The following ZMYM2 variants were observed in gnomAD, a reference collection of about 807,000 sequenced individuals.
ZMYM2 encodes zinc finger MYM-type containing 2.
ZMYM2 carries 56 observed loss-of-function variants against 162.8 expected under a neutral mutation model. The observed-to-expected ratio is 0.34, with a 90% CI of 0.28 to 0.43. The LOEUF is 0.43. ZMYM2 is among the 20% of genes least tolerant of loss of function. The pLI, the probability that ZMYM2 is intolerant of heterozygous loss-of-function variation, is 1.00. For missense variants in ZMYM2, 1,275 were observed against 1,621.8 expected, an observed-to-expected ratio of 0.79 and a Z score of 3.67; for synonymous variants, 510 against 541.6, an observed-to-expected ratio of 0.94 and a Z score of 0.81.
intron 2 of ZMYM2, among the ~76,000 whole-genome samples, chr13:19,990,897 C>G (rs912754205): frequency 6.6e-5 from 10 of 152,014 alleles, no homozygotes; most frequent in Admixed American, 6.6e-4. Context: ...TCAGTTTTAC[C>G]TCTTCTAGTT....
chr13:19,907,145 C>A, the ZMYM2 span, among the ~76,000 whole-genome samples: 1 of 152,092 alleles, frequency 6.6e-6, no homozygotes, highest in East Asian at 1.9e-4. Flanking sequence ...AGTAGTATTC[C>A]TTGATTACTT....
intron 14 of ZMYM2, among the ~76,000 whole-genome samples, chr13:20,052,936 A>C (rs1955494684): frequency 6.6e-6 from 1 of 152,190 alleles, no homozygotes; most frequent in South Asian, 2.1e-4. Context: ...GGTGGCTAGA[A>C]TTTTTTGAGT....
the ZMYM2 span, among the ~76,000 whole-genome samples, chr13:19,943,322 C>T: frequency 6.6e-6 from 1 of 152,118 alleles, no homozygotes; most frequent in African/African-American, 2.4e-5. Flanking sequence ...TATAAAGACT[C>T]CATTTCCAAA....
chr13:19,993,196 T>A lies in ZMYM2; in HGVS notation c.124T>A (p.Leu42Ile), dbSNP rs776200743. The A allele has an allele frequency of 5.0e-6, 8 of 1,613,956 alleles. No individual in the cohort carries two copies. ...GNSFSGPANP[L>I]VSRSNKFQNS... Reference sequence around the variant, plus strand: ...CTCATTTAGTGGTCCAGCTAATCCTTTAGTGTCTAGATCTAATAAGTTTCA... The same window carrying A: ...CTCATTTAGTGGTCCAGCTAATCCTATAGTGTCTAGATCTAATAAGTTTCA... The change falls in exon 3 of 25, where the codon TTA becomes ATA. Residue 42 changes from leucine to isoleucine, a missense_variant. By Grantham distance (5) the Leu-to-Ile change is conservative. Around this residue, in one of 10 missense-constraint regions of ZMYM2, gnomAD observed 295 missense variants for 286.7 expected, o/e 1.03. Coordinates refer to ENST00000610343, the MANE Select transcript of ZMYM2 (RefSeq NM_197968.4).
chr13:20,040,442 T>A (rs1408841814), intron 12 of ZMYM2, among the ~76,000 whole-genome samples: 4 of 152,158 alleles, frequency 2.6e-5, no homozygotes, highest in Non-Finnish European at 5.9e-5. Flanking sequence ...TAATATCCCC[T>A]TTATTGTTTC....
the ZMYM2 span, among the ~76,000 whole-genome samples, chr13:19,926,542 TTAG>T: frequency 2.0e-5 from 3 of 151,596 alleles, no homozygotes; most frequent in Non-Finnish European, 2.9e-5. Flanking sequence ...TTTTGCATTT[TTAG>T]TAGAGAAGAG....
In ZMYM2 at chr13:20,064,503, C is replaced by T. The variant is rs199880478; in HGVS notation, c.3090C>T (p.Gly1030=). 3.3e-4 allele frequency: 529 copies of T among 1,596,576 alleles called. No individual in the cohort carries two copies. The highest frequency in any genetic ancestry group is 1.7e-4 in the Admixed American group (10 of 57,944). The change falls in exon 19 of 25, where the codon GGC becomes GGT. Residue 1030 remains glycine, a synonymous_variant. Coordinates refer to ENST00000610343, the MANE Select transcript of ZMYM2 (RefSeq NM_197968.4). ...ENEFLLPPVF[G]EEYEEQPRPR... Reference sequence around the variant, plus strand: ...AATTTTTATTACCACCTGTTTTTGGCGAAGAATATGAGGAACAGCCCAGAC... The same window carrying T: ...AATTTTTATTACCACCTGTTTTTGGTGAAGAATATGAGGAACAGCCCAGAC...
At position 20,045,049 on chromosome 13, in the gene ZMYM2, C is replaced by CAAAAAAA. The variant is rs933854935; in HGVS notation, c.2293-6367_2293-6361dup. ...CGGGCGACAGAGCAAGACTCTGTGT[C>CAAAAAAA]AAAAAAAAAAAAAAAAAAAAAAAGC... is the stretch of plus-strand genomic sequence containing the variant. On this transcript the variant is annotated intron_variant, in intron 12 of 24. Transcript: ENST00000610343. Among the ~76,000 whole-genome samples the CAAAAAAA allele has an allele frequency of 1.0e-2, 472 of 47,428 alleles. 18 individuals carry two copies. The highest frequency in any genetic ancestry group is 0.013 in the African/African-American group (169 of 13,028). 31.1% of individuals were successfully genotyped at this position (47,428 alleles called of 152,430 possible).
chr13:19,976,245 T>C (rs537489328), intron 2 of ZMYM2, among the ~76,000 whole-genome samples: 6 of 151,710 alleles, frequency 4.0e-5, no homozygotes, highest in Admixed American at 2.0e-4. Flanking sequence ...GGAGAATCAC[T>C]TGAACCTGGG....
the ZMYM2 span, among the ~76,000 whole-genome samples, chr13:19,900,526 C>T: frequency 6.6e-6 from 1 of 152,056 alleles, no homozygotes; most frequent in Non-Finnish European, 1.5e-5. Flanking sequence ...GAAGAATTAA[C>T]AAATACCAAT....
At chr13:19,978,704 C>T (rs1016875929) in intron 2 of ZMYM2, among the ~76,000 whole-genome samples, 3 of 152,056 alleles carry the variant, frequency 2.0e-5, no homozygotes, top group Admixed American at 1.3e-4. Context: ...TGTGAGCCAC[C>T]GTTCCCAGCC....
intron 12 of ZMYM2, among the ~76,000 whole-genome samples, chr13:20,048,460 T>C (rs1263633313): frequency 6.6e-6 from 1 of 152,016 alleles, no homozygotes; most frequent in Non-Finnish European, 1.5e-5. Context: ...AATCACTCCA[T>C]TGTGCTCAGA....
intron 2 of ZMYM2, among the ~76,000 whole-genome samples, chr13:19,982,654 A>T (rs1388831563): frequency 6.6e-6 from 1 of 152,160 alleles, no homozygotes; most frequent in Admixed American, 6.6e-5. Flanking sequence ...GTGGTTCCTG[A>T]ACCTGTTGAG....
At chr13:19,935,206 C>T in the ZMYM2 span, among the ~76,000 whole-genome samples, 1 of 152,144 alleles carries the variant, frequency 6.6e-6, no homozygotes, top group Non-Finnish European at 1.5e-5. Flanking sequence ...GCTATTTTGG[C>T]TCACTGCAAT....
chr13:19,878,701 T>C, the ZMYM2 span, among the ~76,000 whole-genome samples: 1 of 152,030 alleles, frequency 6.6e-6, no homozygotes, highest in African/African-American at 2.4e-5. Flanking sequence ...TTTATATTTT[T>C]AGTAGAGACG....
At chr13:20,061,455 A>G (rs750742204) in intron 17 of ZMYM2, among the ~76,000 whole-genome samples, 12 of 152,208 alleles carry the variant, frequency 7.9e-5, no homozygotes, top group African/African-American at 2.4e-5. Flanking sequence ...TTTAAGCAGG[A>G]TTTGACTTGT....
chr13:19,897,844 T>C, the ZMYM2 span, among the ~76,000 whole-genome samples: 1 of 152,114 alleles, frequency 6.6e-6, no homozygotes, highest in Non-Finnish European at 1.5e-5. Flanking sequence ...CATCAGACCT[T>C]ATATGAAGTA....
the ZMYM2 span, among the ~76,000 whole-genome samples, chr13:19,935,878 T>C: frequency 6.6e-6 from 1 of 152,082 alleles, no homozygotes; most frequent in South Asian, 2.1e-4. Context: ...TCTCTTAGAG[T>C]GGATAAGCAA....
At chr13:19,946,459 G>A in the ZMYM2 span, among the ~76,000 whole-genome samples, 1 of 152,174 alleles carries the variant, frequency 6.6e-6, no homozygotes, top group South Asian at 2.1e-4. Flanking sequence ...TCTAAACAGT[G>A]GTTTAAATGT....
Sources: gnomAD v4.1 joint callset for allele counts (sites outside exome capture counted in the v4.1 genomes callset) on GRCh38, gnomAD v4.1.1 for gene constraint, gnomAD v4.1.1 regional missense constraint, MANE v1.5 for transcripts, NCBI Gene and HGNC (gene_info 2026-07-23, HGNC 2026-07-21) for gene names.